The following SMCO1 variants were observed in gnomAD, a reference collection of about 807,000 sequenced individuals.
SMCO1 encodes the protein single-pass membrane and coiled-coil domain-containing protein 1.
SMCO1 carries 9 observed loss-of-function variants against 7.5 expected under a neutral mutation model. The ratio of observed to expected loss-of-function variants is 1.20; its 90% CI spans 0.72 to 2.09. The LOEUF (loss-of-function observed/expected upper bound fraction) is 2.09. SMCO1 is among the 30% of genes most tolerant of loss of function. The pLI is 0.00. For synonymous variants in SMCO1, 90 were observed against 93.8 expected, an observed-to-expected ratio of 0.96 and a Z score of 0.23; for missense variants, 219 against 253.1, an observed-to-expected ratio of 0.87 and a Z score of 0.91.
chr3:196,518,495 A>C (rs1733433035), upstream of SMCO1, among the ~76,000 whole-genome samples: 1 of 152,088 alleles, frequency 6.6e-6, no homozygotes, highest in Non-Finnish European at 1.5e-5. Context: ...TTGTATTTTT[A>C]GTAGAGACGG....
chr3:196,519,293 C>A (rs540239878), upstream of SMCO1, among the ~76,000 whole-genome samples: 2 of 152,210 alleles, frequency 1.3e-5, no homozygotes, highest in African/African-American at 2.4e-5. Context: ...TGAGGTCACT[C>A]GCTACTAGTC....
upstream of SMCO1, among the ~76,000 whole-genome samples, chr3:196,518,304 T>G (rs1208120060): frequency 1.3e-5 from 2 of 152,232 alleles, no homozygotes; most frequent in Non-Finnish European, 2.9e-5. Context: ...AAGGGGGTTA[T>G]TCCATTTGGA....
At position 196,506,965 on chromosome 3, in the gene SMCO1, C is replaced by T. The variant is rs1481514897; in HGVS notation, c.*922G>A. On this transcript the variant is annotated 3_prime_UTR_variant, in exon 3 of 3. Transcript: ENST00000397537. ...CGAAGGTGGGTTGCTGGCCACGAGC[C>T]TGAGTCTATGGGTTTTTGTGGGCTA... is the stretch of plus-strand genomic sequence containing the variant. The T allele has an allele frequency of 1.3e-5, 2 of 152,142 alleles. No individual in the cohort carries two copies. Among genetic ancestry groups the T allele is most frequent in the Non-Finnish European group, 1.5e-5 (1 of 68,032 alleles). 9.4% of individuals were successfully genotyped at this position (152,142 alleles called of 1,614,324 possible).
At position 196,509,801 on chromosome 3, in the gene SMCO1, T is replaced by C. The variant is rs556269193; in HGVS notation, c.51-132A>G. Reference sequence around the variant, plus strand: ...ATAACTTTTTTTTTTTTACTTTTACTTTAAACTATGAAGGGAAAATGGGTA... The same window carrying C: ...ATAACTTTTTTTTTTTTACTTTTACCTTAAACTATGAAGGGAAAATGGGTA... On this transcript the variant is annotated intron_variant, in intron 1 of 2. Coordinates refer to ENST00000397537, the MANE Select transcript of SMCO1 (RefSeq NM_001077657.3). 2.0e-5 allele frequency: 14 copies of C among 700,596 alleles called. No individual in the cohort carries two copies. In the South Asian group the frequency reaches 4.7e-4, roughly 23 times the overall value. The allele number at this position is 700,596 out of a possible 1,614,324, so 43.4% of individuals were successfully genotyped here. A position where few individuals can be genotyped will look rare whatever the true frequency, so the allele number is the denominator to read the frequency against.
chr3:196,515,988 G>GAGATAT (rs1296248474), upstream of SMCO1, among the ~76,000 whole-genome samples: 25 of 23,890 alleles, frequency 1.0e-3, no homozygotes, highest in East Asian at 3.6e-3. Context: ...AAGAGGATAG[G>GAGATAT]ATATATATAT....
rs181570949 is a variant in SMCO1 at position 196,509,890 on chromosome 3, T to C, written c.51-221A>G. Among the ~76,000 whole-genome samples, 263 of 152,226 alleles carry C rather than the reference T, an allele frequency of 1.7e-3. 1 individual carries two copies. Among genetic ancestry groups the C allele is most frequent in the African/African-American group, 5.8e-3 (239 of 41,504 alleles). On this transcript the variant is annotated intron_variant, in intron 1 of 2. Coordinates refer to ENST00000397537, the MANE Select transcript of SMCO1 (RefSeq NM_001077657.3). ...TGCCATTCCCTCTAGCCATCATCCT[T>C]GTCCTTTCATTCCATATATTGCAAA...
At chr3:196,512,728 G>C (rs577528023) in intron 1 of SMCO1, among the ~76,000 whole-genome samples, 30 of 151,862 alleles carry the variant, frequency 2.0e-4, no homozygotes, top group African/African-American at 5.3e-4. Flanking sequence ...GGCTGGTCTC[G>C]AACTCCTGAC....
upstream of SMCO1, among the ~76,000 whole-genome samples, chr3:196,516,026 T>A (rs57278921): frequency 5.2e-5 from 6 of 114,492 alleles, no homozygotes; most frequent in African/African-American, 2.0e-4. Context: ...TATATATATA[T>A]ATATAATTAT....
At chr3:196,516,067 T>A (rs1451323495), upstream of SMCO1, among the ~76,000 whole-genome samples, 1 of 125,268 alleles carries the variant, frequency 8.0e-6, no homozygotes, top group Admixed American at 8.4e-5. Context: ...TTATATATAA[T>A]ATATAATTTA....
upstream of SMCO1, among the ~76,000 whole-genome samples, chr3:196,519,557 C>A (rs375922910): frequency 3.9e-5 from 6 of 152,244 alleles, no homozygotes; most frequent in Middle Eastern, 3.4e-3. Context: ...CTTTAAGGCA[C>A]CTATTCTGTC....
At position 196,508,157 on chromosome 3, in the gene SMCO1, T is replaced by C. The variant is rs772963172; in HGVS notation, c.375A>G (p.Ile125Met). The change falls in exon 3 of 3, where the codon ATA becomes ATG. Residue 125 changes from isoleucine to methionine, a missense_variant. Transcript: ENST00000397537. ...CTTCTTGCAGCCCACACTCCTCCAG[T>C]ATGGACTCCCATACAACTCTAACGC... ...NKRVRVVWES[I>M]LEECGLQEGD... The C allele has an allele frequency of 1.2e-6, 2 of 1,614,180 alleles. No homozygotes were observed. Among genetic ancestry groups the C allele is most frequent in the Non-Finnish European group, 1.7e-6 (2 of 1,180,026 alleles).
chr3:196,509,536 C>T lies in SMCO1; in HGVS notation c.184G>A (p.Ala62Thr). 1 of 1,613,740 alleles carries T rather than the reference C, an allele frequency of 6.2e-7. No homozygotes were observed. The highest frequency in any genetic ancestry group is 1.1e-5 in the South Asian group (1 of 91,044). ...GATACTCACTGGAGTGCCCGAACTG[C>T]TGTCCACATCTCATCTTGGGCTGCT... ...SQAAQDEMWT[A>T]VRALQLTSME... is the part of the protein sequence containing the mutation. The change falls in exon 2 of 3, where the codon GCA (alanine) becomes ACA (threonine). Residue 62 changes from alanine to threonine, a missense_variant. By Grantham distance (58) the Ala-to-Thr change is moderately conservative. Transcript: ENST00000397537.
In SMCO1 at chr3:196,508,155, A is replaced by G; in HGVS notation, c.377T>C (p.Leu126Pro). 1.9e-6 allele frequency: 3 copies of G among 1,614,124 alleles called. No homozygotes were observed. Among genetic ancestry groups the G allele is most frequent in the Non-Finnish European group, 1.7e-6 (2 of 1,179,982 alleles). ...KRVRVVWESI[L>P]EECGLQEGDI... Reference sequence around the variant, plus strand: ...TCCTTCTTGCAGCCCACACTCCTCCAGTATGGACTCCCATACAACTCTAAC... The same window carrying G: ...TCCTTCTTGCAGCCCACACTCCTCCGGTATGGACTCCCATACAACTCTAAC... The change falls in exon 3 of 3, where the codon CTG (leucine) becomes CCG (proline). Residue 126 changes from leucine to proline, a missense_variant. By Grantham distance (98) the Leu-to-Pro change is moderately conservative (BLOSUM62 -3). Transcript: ENST00000397537.
rs116716536 is a variant in SMCO1, at chr3:196,512,335, G to A, written c.51-2666C>T. On this transcript the variant is annotated intron_variant, in intron 1 of 2. Coordinates refer to ENST00000397537, the MANE Select transcript of SMCO1 (RefSeq NM_001077657.3). ...ATTGTCGTTATGAGGGAAGTGATGC[G>A]TCAACACACATGCTACTTCTCTGAG... is the stretch of plus-strand genomic sequence containing the variant. Among the ~76,000 whole-genome samples, 926 of 152,144 alleles carry A rather than the reference G, an allele frequency of 6.1e-3. 14 individuals are homozygous for A. Among genetic ancestry groups the A allele is most frequent in the African/African-American group, 0.022 (895 of 41,484 alleles).
upstream of SMCO1, among the ~76,000 whole-genome samples, chr3:196,516,547 G>A (rs149583554): frequency 5.9e-5 from 9 of 152,248 alleles, no homozygotes; most frequent in African/African-American, 1.7e-4. Context: ...GCCATGTCAC[G>A]TATTTGTTCT....
At position 196,509,501 on chromosome 3, in the gene SMCO1, T is replaced by C. The variant is rs370751845; in HGVS notation, c.200+19A>G. Reference sequence around the variant, plus strand: ...TCACAAAGCCACAGAATCCCACTGATTTCTCAATTGATACTCACTGGAGTG... The same window carrying C: ...TCACAAAGCCACAGAATCCCACTGACTTCTCAATTGATACTCACTGGAGTG... On this transcript the variant is annotated intron_variant, in intron 2 of 2. Transcript: ENST00000397537. 3 of 1,591,748 alleles carry C rather than the reference T, an allele frequency of 1.9e-6. No homozygotes were observed. Among genetic ancestry groups the C allele is most frequent in the South Asian group, 1.1e-5 (1 of 89,312 alleles).
chr3:196,513,201 A>C (rs73075038), intron 1 of SMCO1, among the ~76,000 whole-genome samples: 23,583 of 151,884 alleles, frequency 0.16, 5,406 homozygotes, highest in African/African-American at 0.51. Context: ...GGTGGTGTGC[A>C]CACTTGTGGT....
At chr3:196,516,053 ATAAT>A (rs1053882680), upstream of SMCO1, among the ~76,000 whole-genome samples, 10 of 86,410 alleles carry the variant, frequency 1.2e-4, no homozygotes, top group Non-Finnish European at 1.6e-4. Context: ...AATTATACAT[ATAAT>A]TATATATAAT....
chr3:196,508,239 A>G lies in SMCO1; in HGVS notation c.293T>C (p.Leu98Pro), dbSNP rs1733109999. ...GGCTAAGGTTGGAAGACCTCTCACCAGGTCTGGCAGCTTCTCAAGCACACG... is the reference window on the plus strand; with the variant it reads ...GGCTAAGGTTGGAAGACCTCTCACCGGGTCTGGCAGCTTCTCAAGCACACG... ...HTRVLEKLPD[L>P]VRGLPTLASV... Residue 98 changes from leucine (L) to proline (P), a missense_variant, in exon 3 of 3, where the codon CTG becomes CCG. Leu to Pro is a moderately conservative substitution (Grantham distance 98, BLOSUM62 -3). Transcript: ENST00000397537. 3 of 1,614,054 alleles carry G rather than the reference A, an allele frequency of 1.9e-6. No homozygotes were observed. The African/African-American group carries it at 4.0e-5, about 22-fold the overall frequency.
Sources: allele counts gnomAD v4.1 joint callset (sites outside exome capture counted in the v4.1 genomes callset), GRCh38; gene constraint gnomAD v4.1.1; transcripts MANE v1.5; gene names NCBI Gene and HGNC (gene_info 2026-07-23, HGNC 2026-07-21).